CCDC102B: variants seen among roughly 807,000 people sequenced by gnomAD.
The protein encoded by CCDC102B is coiled-coil domain-containing protein 102B.
In CCDC102B, 75 loss-of-function variants were observed where a neutral mutation model predicts 57.4. The ratio of observed to expected loss-of-function variants is 1.31; its 90% CI spans 1.08 to 1.58. CCDC102B has a LOEUF of 1.58. CCDC102B is among the 40% of genes most tolerant of loss of function. CCDC102B has a pLI of 0.00. For missense variants in CCDC102B, 636 were observed against 582.6 expected, an observed-to-expected ratio of 1.09 and a Z score of -0.94; for synonymous variants, 206 against 201.9, an observed-to-expected ratio of 1.02 and a Z score of -0.17.
intron 2 of CCDC102B, among the ~76,000 whole-genome samples, chr18:68,765,362 AAAGAAAGAAAG>A (rs2034422191): frequency 2.1e-5 from 3 of 142,952 alleles, no homozygotes; most frequent in East Asian, 4.1e-4. Flanking sequence ...AGAAAGAAAG[AAAGAAAGAAAG>A]AAAGAAAAGA....
At chr18:68,802,598 G>T (rs1479952063) in intron 1 of CCDC102B, among the ~76,000 whole-genome samples, 1 of 152,292 alleles carries the variant, frequency 6.6e-6, no homozygotes, top group Middle Eastern at 3.4e-3. Flanking sequence ...CTCACAGAAG[G>T]CTGGGGCCTA....
At chr18:68,733,854 C>G (rs1038300085) in intron 2 of CCDC102B, among the ~76,000 whole-genome samples, 1 of 152,088 alleles carries the variant, frequency 6.6e-6, no homozygotes, top group African/African-American at 2.4e-5. Context: ...CCTTTAGGTT[C>G]CTTTACTGAT....
chr18:68,968,233 G>A (rs1464874431), intron 6 of CCDC102B, among the ~76,000 whole-genome samples: 1 of 152,052 alleles, frequency 6.6e-6, no homozygotes, highest in Non-Finnish European at 1.5e-5. Context: ...CTGTTCCTGG[G>A]TAAAGTCATA....
intron 6 of CCDC102B, among the ~76,000 whole-genome samples, chr18:68,972,683 A>G (rs2050333247): frequency 6.6e-6 from 1 of 152,188 alleles, no homozygotes; most frequent in Non-Finnish European, 1.5e-5. Context: ...GGTATGAATA[A>G]TGTAATATGT....
chr18:68,911,565 A>G (rs1362622132), intron 6 of CCDC102B, among the ~76,000 whole-genome samples: 6 of 150,914 alleles, frequency 4.0e-5, no homozygotes, highest in African/African-American at 9.8e-5. Flanking sequence ...ATCCTGGCTA[A>G]CACGGTGAAA....
At chr18:68,729,039 A>G (rs2032737685) in intron 2 of CCDC102B, among the ~76,000 whole-genome samples, 1 of 152,218 alleles carries the variant, frequency 6.6e-6, no homozygotes, top group Non-Finnish European at 1.5e-5. Flanking sequence ...AGCTAGGTTT[A>G]TGGTCATTAT....
At chr18:69,055,270 T>A, downstream of CCDC102B, 3 of 559,846 alleles carry the variant, frequency 5.4e-6, no homozygotes, top group Non-Finnish European at 6.8e-6. Flanking sequence ...ATTGTATGAC[T>A]AATAGGAACG....
At chr18:68,807,492 A>G (rs1599489864) in intron 1 of CCDC102B, among the ~76,000 whole-genome samples, 1 of 152,294 alleles carries the variant, frequency 6.6e-6, no homozygotes, top group East Asian at 1.9e-4. Flanking sequence ...GTTGAAGACA[A>G]TAATTACATG....
chr18:69,040,817 T>A (rs1568144078), intron 7 of CCDC102B, among the ~76,000 whole-genome samples: 1 of 152,074 alleles, frequency 6.6e-6, no homozygotes, highest in East Asian at 1.9e-4. Context: ...AATCTGTTTC[T>A]GAGAGGTTAA....
intron 4 of CCDC102B, among the ~76,000 whole-genome samples, chr18:68,871,280 A>G (rs1286699821): frequency 6.6e-6 from 1 of 152,184 alleles, no homozygotes; most frequent in African/African-American, 2.4e-5. Context: ...AATTCACCTT[A>G]TAGAGTATTT....
intron 7 of CCDC102B, among the ~76,000 whole-genome samples, chr18:69,031,216 T>C (rs984509895): frequency 9.9e-5 from 15 of 152,224 alleles, no homozygotes; most frequent in South Asian, 4.1e-4. Context: ...CATCGTGTTA[T>C]ATATTATTCT....
intron 6 of CCDC102B, chr18:68,899,885 T>C (rs1298794926): frequency 6.6e-6 from 1 of 152,156 alleles, no homozygotes; most frequent in Non-Finnish European, 1.5e-5. Context: ...GACAAATAAT[T>C]TTCTTTACGT....
chr18:68,752,940 T>G (rs1450921510), intron 2 of CCDC102B, among the ~76,000 whole-genome samples: 1 of 152,188 alleles, frequency 6.6e-6, no homozygotes, highest in Non-Finnish European at 1.5e-5. Context: ...CATTACTTTT[T>G]TGAAAATTGC....
At chr18:68,834,544 G>T (rs2037283649) in intron 1 of CCDC102B, among the ~76,000 whole-genome samples, 2 of 149,054 alleles carry the variant, frequency 1.3e-5, no homozygotes, top group Non-Finnish European at 3.0e-5. Flanking sequence ...ATTGCCCTCT[G>T]AATTATAGTA....
intron 1 of CCDC102B, chr18:68,823,422 T>A (rs1014346011): frequency 6.6e-6 from 1 of 152,194 alleles, no homozygotes; most frequent in Non-Finnish European, 1.5e-5. Context: ...ATCAGGTAAC[T>A]TATGTACCAC....
intron 6 of CCDC102B, among the ~76,000 whole-genome samples, chr18:68,916,773 C>T (rs1013849207): frequency 6.6e-6 from 1 of 152,154 alleles, no homozygotes; most frequent in African/African-American, 2.4e-5. Flanking sequence ...TTAGTACATT[C>T]GTTGCATTGC....
chr18:68,723,411 G>A (rs1025422641), intron 2 of CCDC102B, among the ~76,000 whole-genome samples: 1 of 152,080 alleles, frequency 6.6e-6, no homozygotes, highest in African/African-American at 2.4e-5. Flanking sequence ...TTAACCCAAA[G>A]TCCAAGTCCA....
At chr18:69,012,669 G>A (rs150924769) in intron 7 of CCDC102B, among the ~76,000 whole-genome samples, 2 of 151,694 alleles carry the variant, frequency 1.3e-5, no homozygotes, top group Non-Finnish European at 2.9e-5. Flanking sequence ...CATGTCTCAC[G>A]TCCTGAGGCC....
At chr18:68,836,062 G>GGATAAAGAAAACC (rs1240902845) in intron 1 of CCDC102B, among the ~76,000 whole-genome samples, 13 of 152,218 alleles carry the variant, frequency 8.5e-5, no homozygotes, top group Admixed American at 4.6e-4. Context: ...ACAAATTGAG[G>GGATAAAGAAAACC]CTTCGCAGGG....
Sources: gnomAD v4.1 joint callset for allele counts (sites outside exome capture counted in the v4.1 genomes callset) on GRCh38, gnomAD v4.1.1 for gene constraint, MANE v1.5 for transcripts, NCBI Gene and HGNC (gene_info 2026-07-23, HGNC 2026-07-21) for gene names.